The following TCF3 variants were observed in gnomAD, a reference collection of about 807,000 sequenced individuals.
TCF3 encodes transcription factor 3, also known as transcription factor E2-alpha.
TCF3 carries 54 observed loss-of-function variants against 72.3 expected under a neutral mutation model. That is an observed-to-expected ratio of 0.75 (90% CI 0.60 to 0.94). The LOEUF is 0.94. TCF3 is among the 40% of genes least tolerant of loss of function. The probability of loss-of-function intolerance (pLI) is 0.00; values close to 1 mark genes in which losing one functional copy is unlikely to be tolerated. For missense variants in TCF3, 1,078 were observed against 934.4 expected, an observed-to-expected ratio of 1.15 and a Z score of -2.00; for synonymous variants, 525 against 412.6, an observed-to-expected ratio of 1.27 and a Z score of -3.30.
chr19:1,620,563 A>G (rs1341940107), intron 13 of TCF3, among the ~76,000 whole-genome samples: 3 of 152,204 alleles, frequency 2.0e-5, no homozygotes, highest in African/African-American at 7.2e-5. Flanking sequence ...AGGCACGCCA[A>G]TGTCCCCTCA....
Position 1,648,817 on chromosome 19 carries a change from TGGGGG to T in TCF3, c.72+1355_72+1359del, listed in dbSNP as rs4030798. ...CAACCCCAAACGCTGCCACTGGGCA[TGGGGG>T]GGGGGGGGGAGCAGAATTTAAGGAC... On this transcript the variant is annotated intron_variant, in intron 2 of 18. Transcript: ENST00000262965. Among the ~76,000 whole-genome samples the T allele has an allele frequency of 4.5e-3, 534 of 118,790 alleles. 5 individuals are homozygous for T. The highest frequency in any genetic ancestry group is 0.016 in the African/African-American group (499 of 30,900). 77.9% of individuals were successfully genotyped at this position (118,790 alleles called of 152,430 possible).
rs1568378946 is a variant in TCF3, at chr19:1,622,563, C to A, written c.550-148G>T. The A allele has an allele frequency of 1.3e-5, 7 of 520,332 alleles. No individual in the cohort carries two copies. The South Asian group carries it at 2.2e-4, about 16-fold the overall frequency. The allele number at this position is 520,332 out of a possible 1,614,324, so 32.2% of individuals were successfully genotyped here. ...AAAGCCACCCCCCTTTAGGTAAATC[C>A]CAGCCCCTGGCCAAGTTTGAGGTTC... is the stretch of plus-strand genomic sequence containing the variant. On this transcript the variant is annotated intron_variant, in intron 8 of 18. Transcript: ENST00000262965.
At chr19:1,633,681 G>T (rs961824613) in intron 3 of TCF3, among the ~76,000 whole-genome samples, 1 of 152,158 alleles carries the variant, frequency 6.6e-6, no homozygotes, top group Admixed American at 6.5e-5. Flanking sequence ...GATTATGAGT[G>T]GGGGGCTGGG....
chr19:1,620,997 G>A lies in TCF3; in HGVS notation c.1064C>T (p.Thr355Ile), dbSNP rs2062134935. Reference protein sequence around the residue: ...SSNNFSSSPSTPVGSPQGLAG... With the variant: ...SSNNFSSSPSIPVGSPQGLAG... ...CAGGCCCTGGGGGGAGCCCACGGGG[G>A]TAGAAGGGCTGGACGAGAAGTTATT... The change falls in exon 13 of 19, where the codon ACC (threonine) becomes ATC (isoleucine). Residue 355 changes from threonine to isoleucine, a missense_variant. Physicochemically the swap from Thr to Ile is moderately conservative, Grantham distance 89. Transcript: ENST00000262965. The A allele has an allele frequency of 6.6e-7, 1 of 1,520,194 alleles. No homozygotes were observed. Among genetic ancestry groups the A allele is most frequent in the Non-Finnish European group, 8.8e-7 (1 of 1,134,828 alleles). The allele number at this position is 1,520,194 out of a possible 1,614,324, so 94.2% of individuals were successfully genotyped here.
At chr19:1,621,105 TG>T in intron 12 of TCF3, 27 bp downstream of exon 12, 1 of 1,525,984 alleles carries the variant, frequency 6.6e-7, no homozygotes, top group Non-Finnish European at 8.8e-7. Context: ...GTCACTTGCC[TG>T]GCCACCCCCC....
intron 7 of TCF3, among the ~76,000 whole-genome samples, chr19:1,624,293 G>A (rs1056157206): frequency 3.9e-5 from 6 of 152,170 alleles, no homozygotes; most frequent in African/African-American, 1.2e-4. Context: ...CTACTCGGGA[G>A]GCCGAGGCAG....
At position 1,619,427 on chromosome 19, in the gene TCF3, G is replaced by A; in HGVS notation, c.1215C>T (p.Arg405=). ...DHLDEAIHVL[R]SHAVGTAGDM... is the part of the protein sequence containing the mutation. ...CGCCGGCTGTGCCCACGGCGTGGCT[G>A]CGGAGCACGTGGATGGCCTCGTCCA... The change falls in exon 15 of 19, where the codon CGC becomes CGT. Residue 405 remains arginine (R), a synonymous_variant. Transcript: ENST00000262965. 3 of 1,591,838 alleles carry A rather than the reference G, an allele frequency of 1.9e-6. No individual in the cohort carries two copies. Among genetic ancestry groups the A allele is most frequent in the African/African-American group, 1.3e-5 (1 of 74,874 alleles).
In TCF3 at chr19:1,619,169, G is replaced by A. The variant is rs752479584; in HGVS notation, c.1392C>T (p.Ala464=). 1.4e-5 allele frequency: 22 copies of A among 1,600,210 alleles called. No homozygotes were observed. In the South Asian group the frequency reaches 2.3e-4, roughly 17 times the overall value. ...GSTSLMHNHA[A]LPSQPGTLPD... is the part of the protein sequence containing the mutation. The stretch of plus-strand genomic sequence containing the variant: ...GGAGGGTGCCTGGCTGGCTGGGGAG[G>A]GCCGCGTGGTTGTGCATGAGGCTGG... The change falls in exon 16 of 19, where the codon GCC becomes GCT. Residue 464 remains alanine, a synonymous_variant. Coordinates refer to ENST00000262965, the MANE Select transcript of TCF3 (RefSeq NM_003200.5).
Position 1,615,736 on chromosome 19 carries a change from G to C in TCF3, c.1536C>G (p.Asp512Glu), listed in dbSNP as rs767297733. The C allele has an allele frequency of 1.9e-6, 3 of 1,612,702 alleles. No homozygotes were observed. Among genetic ancestry groups the C allele is most frequent in the Non-Finnish European group, 2.5e-6 (3 of 1,179,184 alleles). Residue 512 changes from aspartate to glutamate, a missense_variant, in exon 17 of 19, where the codon GAC becomes GAG. Asp to Glu is a conservative substitution (Grantham distance 45). Coordinates refer to ENST00000262965, the MANE Select transcript of TCF3 (RefSeq NM_003200.5). The surrounding 1 kb of genome is among the most constrained non-coding windows in gnomAD (Gnocchi z 7.3). ...GCTCCTTCTTCTCCTCCTCCGAGTG[G>C]TCAGCCGCTGACGTGTTCTCCTCGT... The part of the protein sequence containing the change: ...KEDEENTSAA[D>E]HSEEEKKELK...
At position 1,615,799 on chromosome 19, in the gene TCF3, C is replaced by G; in HGVS notation, c.1473G>C (p.Thr491=). 1 of 1,573,800 alleles carries G rather than the reference C, an allele frequency of 6.4e-7. No individual in the cohort carries two copies. The highest frequency in any genetic ancestry group is 8.6e-7 in the Non-Finnish European group (1 of 1,156,464). ...CCCGCTTGATCTCGCTGGCGGCCGC[C>G]GTGGCACCTGCTCGCCCTAGCCCTG... is the stretch of plus-strand genomic sequence containing the variant. ...SYSGLGRAGA[T]AAASEIKREE... Residue 491 remains threonine, a synonymous_variant, in exon 17 of 19, where the codon ACG becomes ACC. Coordinates refer to ENST00000262965, the MANE Select transcript of TCF3 (RefSeq NM_003200.5). This position sits in a 1 kb window ranked among gnomAD's most constrained non-coding sequence, Gnocchi z 7.3.
chr19:1,645,665 G>A lies in TCF3; in HGVS notation c.145+690C>T, dbSNP rs987215615. Among the ~76,000 whole-genome samples, 10 of 152,282 alleles carry A rather than the reference G, an allele frequency of 6.6e-5. No homozygotes were observed. The East Asian group carries it at 1.7e-3, about 26-fold the overall frequency. On this transcript the variant is annotated intron_variant, in intron 3 of 18. Coordinates refer to ENST00000262965, the MANE Select transcript of TCF3 (RefSeq NM_003200.5). Reference sequence around the variant, plus strand: ...CAACCTGGCCCTCGCTGGGTGTGCCGTGAAGCCCTGCCCATGCTCCAGAGT... The same window carrying A: ...CAACCTGGCCCTCGCTGGGTGTGCCATGAAGCCCTGCCCATGCTCCAGAGT...
At chr19:1,638,522 A>G (rs2064785505) in intron 3 of TCF3, among the ~76,000 whole-genome samples, 1 of 152,190 alleles carries the variant, frequency 6.6e-6, no homozygotes, top group South Asian at 2.1e-4. Flanking sequence ...TGACCTCATG[A>G]TCCGCTGGCC....
intron 3 of TCF3, among the ~76,000 whole-genome samples, chr19:1,637,881 C>T (rs886781498): frequency 6.6e-6 from 1 of 151,964 alleles, no homozygotes; most frequent in African/African-American, 2.4e-5. Context: ...TGCACTCCAG[C>T]CTGGGCAATA....
At chr19:1,618,320 T>C (rs1047814099) in intron 16 of TCF3, among the ~76,000 whole-genome samples, 4 of 152,114 alleles carry the variant, frequency 2.6e-5, no homozygotes, top group Non-Finnish European at 5.9e-5. Flanking sequence ...ACCAGCCCTG[T>C]GGCCTCTGCC....
In TCF3 at chr19:1,625,603, G is replaced by GGGAGCTGCC. The variant is rs1192392734; in HGVS notation, c.463_471dup (p.Gly155_Ser157dup). On this transcript the variant is annotated inframe_insertion, in exon 7 of 19. Coordinates refer to ENST00000262965, the MANE Select transcript of TCF3 (RefSeq NM_003200.5). ...AGGCTGCCGTCTGCCGCTCTCCGCC[G>GGGAGCTGCC]GGAGCTGCCGGAGTAGGAGGGGTAG... 2 of 1,584,470 alleles carry GGGAGCTGCC rather than the reference G, an allele frequency of 1.3e-6. No homozygotes were observed. Among genetic ancestry groups the GGGAGCTGCC allele is most frequent in the Non-Finnish European group, 1.7e-6 (2 of 1,167,996 alleles).
In TCF3 at chr19:1,609,670, T is replaced by C. The variant is rs1052918; in HGVS notation, c.*2037A>G. The C allele has an allele frequency of 0.25, 54,720 of 222,518 alleles. 7,156 individuals are homozygous for C. The highest frequency in any genetic ancestry group is 0.45 in the East Asian group (6,907 of 15,466). 13.8% of individuals were successfully genotyped at this position (222,518 alleles called of 1,614,324 possible). A position where few individuals can be genotyped will look rare whatever the true frequency, so the allele number is the denominator to read the frequency against. ...CTTAAGAGATCAAACTCCCAGGGCG[T>C]AGGGGAAGCCACCGAGAAGGGAGAG... On this transcript the variant is annotated 3_prime_UTR_variant, in exon 19 of 19. Transcript: ENST00000262965.
chr19:1,650,050 G>A (rs988287517), intron 2 of TCF3, 127 bp downstream of exon 2: 42 of 939,990 alleles, frequency 4.5e-5, no homozygotes, highest in Non-Finnish European at 6.1e-5. Flanking sequence ...CAGCCCCACC[G>A]GGGCCTCCCA....
At chr19:1,630,108 G>A (rs1412909670) in intron 5 of TCF3, among the ~76,000 whole-genome samples, 2 of 152,228 alleles carry the variant, frequency 1.3e-5, no homozygotes, top group Admixed American at 6.5e-5. Context: ...GACATGGCTG[G>A]GCTCTGGGCA....
intron 5 of TCF3, among the ~76,000 whole-genome samples, chr19:1,629,335 C>T (rs559667421): frequency 6.6e-6 from 1 of 150,896 alleles, no homozygotes; most frequent in African/African-American, 2.5e-5. Context: ...CAGGCTCCCC[C>T]AAAGTGCCCA....
Sources: gnomAD v4.1 joint callset for allele counts (sites outside exome capture counted in the v4.1 genomes callset) on GRCh38, gnomAD v4.1.1 for gene constraint, Gnocchi (gnomAD v3.1) non-coding constraint, MANE v1.5 for transcripts, NCBI Gene and HGNC (gene_info 2026-07-23, HGNC 2026-07-21) for gene names.